GANC: variants seen among roughly 807,000 people sequenced by gnomAD.
GANC encodes the protein glucosidase alpha, neutral C.
In GANC, 117 loss-of-function variants were observed where a neutral mutation model predicts 124.2. That is an observed-to-expected ratio of 0.94 (90% CI 0.81 to 1.10). GANC has a LOEUF of 1.10. Among genes scored for constraint, GANC ranks in the 50% least tolerant of loss-of-function variants. The probability of loss-of-function intolerance (pLI) is 0.00; values close to 1 mark genes in which losing one functional copy is unlikely to be tolerated. For missense variants in GANC, 1,140 were observed against 1,095.0 expected, an observed-to-expected ratio of 1.04 and a Z score of -0.58; for synonymous variants, 377 against 376.8, an observed-to-expected ratio of 1.00 and a Z score of -0.01.
At chr15:42,296,584 G>T (rs1243386133) in intron 5 of GANC, among the ~76,000 whole-genome samples, 1 of 152,010 alleles carries the variant, frequency 6.6e-6, no homozygotes, top group Non-Finnish European at 1.5e-5. Context: ...GTAGAGACAG[G>T]GTTTCACCAT....
At chr15:42,332,744 T>G (rs1350731205) in intron 15 of GANC, among the ~76,000 whole-genome samples, 1 of 151,196 alleles carries the variant, frequency 6.6e-6, no homozygotes, top group Non-Finnish European at 1.5e-5. Flanking sequence ...CCAGGCACAG[T>G]GGCTCAAACC....
Position 42,353,530 on chromosome 15 carries a change from A to C in GANC, c.*1391A>C. 1 of 975,134 alleles carries C rather than the reference A, an allele frequency of 1.0e-6. No individual in the cohort carries two copies. The highest frequency in any genetic ancestry group is 1.2e-6 in the Non-Finnish European group (1 of 820,618). 60.4% of individuals were successfully genotyped at this position (975,134 alleles called of 1,614,324 possible). Reference sequence around the variant, plus strand: ...TTCAGTATGTCTGCGTTCTCCTACTAGATTGTATGTCCCTCAAGAGCATGT... The same window carrying C: ...TTCAGTATGTCTGCGTTCTCCTACTCGATTGTATGTCCCTCAAGAGCATGT... On this transcript the variant is annotated 3_prime_UTR_variant, in exon 24 of 24. Transcript: ENST00000318010.
chr15:42,309,310 CTGTTGGACACAATTT>C (rs2052028328), intron 8 of GANC, among the ~76,000 whole-genome samples: 1 of 151,902 alleles, frequency 6.6e-6, no homozygotes, highest in Non-Finnish European at 1.5e-5. Flanking sequence ...CTGTGGAAGC[CTGTTGGACACAATTT>C]TTTTTTTTTT....
chr15:42,342,246 G>A (rs535944274), intron 18 of GANC, among the ~76,000 whole-genome samples: 2 of 152,264 alleles, frequency 1.3e-5, no homozygotes, highest in East Asian at 3.9e-4. Flanking sequence ...TTACATACGT[G>A]TTGTGCCAAA....
chr15:42,352,239 C>A lies in GANC; in HGVS notation c.*100C>A. 1.3e-6 allele frequency: 2 copies of A among 1,534,574 alleles called. No homozygotes were observed. The highest frequency in any genetic ancestry group is 2.1e-5 in the Admixed American group (1 of 46,566). On this transcript the variant is annotated 3_prime_UTR_variant, in exon 24 of 24. Transcript: ENST00000318010. ...TTTTTGCTGCAATCTGTTTGCCTTC[C>A]CTGAATCAAAATAATCTTTCATTCG...
chr15:42,317,753 G>A (rs2052120970), intron 10 of GANC, among the ~76,000 whole-genome samples: 1 of 152,146 alleles, frequency 6.6e-6, no homozygotes, highest in African/African-American at 2.4e-5. Context: ...CAATTGTGAT[G>A]GGAGGAATGA....
At chr15:42,313,415 T>C (rs1408165214) in intron 10 of GANC, among the ~76,000 whole-genome samples, 1 of 152,218 alleles carries the variant, frequency 6.6e-6, no homozygotes, top group African/African-American at 2.4e-5. Context: ...AAAACTTTTG[T>C]GCATCAAAGA....
At chr15:42,285,977 A>T (rs2051783371) in intron 3 of GANC, among the ~76,000 whole-genome samples, 1 of 151,908 alleles carries the variant, frequency 6.6e-6, no homozygotes. Context: ...GGAACAGAAC[A>T]TACAGATCAG....
chr15:42,274,023 A>G lies in GANC; in HGVS notation c.-459A>G, dbSNP rs574112992. On this transcript the variant is annotated 5_prime_UTR_variant, in exon 1 of 24. The change abolishes the stop of an existing upstream ORF in the 5' untranslated region. Transcript: ENST00000318010. ...ACCCGGCCGGCACTTCCCACCCTTA[A>G]CCGAAAACGGAGACAGAGAGGGTCA... 3 of 238,274 alleles carry G rather than the reference A, an allele frequency of 1.3e-5. No homozygotes were observed. The South Asian group carries it at 1.4e-4, about 11-fold the overall frequency. The allele number at this position is 238,274 out of a possible 1,614,324, so 14.8% of individuals were successfully genotyped here. A position where few individuals can be genotyped will look rare whatever the true frequency, so the allele number is the denominator to read the frequency against.
intron 10 of GANC, among the ~76,000 whole-genome samples, chr15:42,312,828 G>A (rs1028371834): frequency 2.0e-5 from 3 of 151,850 alleles, no homozygotes; most frequent in Non-Finnish European, 2.9e-5. Flanking sequence ...CCAGCTACTC[G>A]GGAGGCTGAG....
intron 15 of GANC, among the ~76,000 whole-genome samples, chr15:42,332,854 A>T (rs1236281228): frequency 7.2e-5 from 1 of 13,848 alleles, no homozygotes; most frequent in Non-Finnish European, 7.8e-4. Context: ...TCTCTACTAA[A>T]AAAAAAAAAA....
rs117296056 is a variant in GANC, at chr15:42,335,968, T to C, written c.1742-2421T>C. Among the ~76,000 whole-genome samples the C allele has an allele frequency of 2.0e-5, 3 of 152,028 alleles. No individual in the cohort carries two copies. The East Asian group carries it at 5.8e-4, about 29-fold the overall frequency. The stretch of plus-strand genomic sequence containing the variant: ...AAACGCTGCTCAAAGAAATCAGAGA[T>C]AACACAAGCAAATAGAAAAACATTC... On this transcript the variant is annotated intron_variant, in intron 15 of 23. Coordinates refer to ENST00000318010, the MANE Select transcript of GANC (RefSeq NM_198141.3).
At position 42,273,444 on chromosome 15, in the gene GANC, G is replaced by C. The variant is rs563845220; in HGVS notation, c.-1038G>C. The C allele has an allele frequency of 2.8e-4, 448 of 1,609,200 alleles. 2 individuals carry two copies. In the Admixed American group the frequency reaches 7.2e-3, roughly 26 times the overall value. On this transcript the variant is annotated 5_prime_UTR_variant, in exon 1 of 24. Coordinates refer to ENST00000318010, the MANE Select transcript of GANC (RefSeq NM_198141.3). ...TACCGAAAGCATTTCACCCTCTTCC[G>C]GTTCGTCCCGCCTTCTTCCGGCTCT...
chr15:42,333,023 A>AAAAAAT (rs1555415200), intron 15 of GANC, among the ~76,000 whole-genome samples: 1 of 140,412 alleles, frequency 7.1e-6, no homozygotes, highest in African/African-American at 2.7e-5. Context: ...TGTCTCAAAA[A>AAAAAAT]ATATATATAT....
rs1489591922 is a variant in GANC at position 42,345,830 on chromosome 15, A to G, written c.2302A>G (p.Thr768Ala). 13 of 1,602,294 alleles carry G rather than the reference A, an allele frequency of 8.1e-6. No homozygotes were observed. The highest frequency in any genetic ancestry group is 9.4e-6 in the Non-Finnish European group (11 of 1,170,008). Residue 768 changes from threonine (T) to alanine (A), a missense_variant and splice_region_variant, in exon 20 of 24, where the codon ACT becomes GCT. By Grantham distance (58) the Thr-to-Ala change is moderately conservative. Coordinates refer to ENST00000318010, the MANE Select transcript of GANC (RefSeq NM_198141.3). Reference sequence around the variant, plus strand: ...TGTAAAGATCCCAGTAGCCTTGGACACTGTAAGTTATTTTCAGACTACTAT... The same window carrying G: ...TGTAAAGATCCCAGTAGCCTTGGACGCTGTAAGTTATTTTCAGACTACTAT... ...CTVKIPVALD[T>A]IPVFQRGGSV...
rs373900522 is a variant in GANC, at chr15:42,311,672, G to A, written c.1057+826G>A. On this transcript the variant is annotated intron_variant, in intron 10 of 23. Transcript: ENST00000318010. Reference sequence around the variant, plus strand: ...GGAGGAATAAAGAGAGGGAGGAGGTGCCACACACTTTTAAACAACCAGATC... The same window carrying A: ...GGAGGAATAAAGAGAGGGAGGAGGTACCACACACTTTTAAACAACCAGATC... Among the ~76,000 whole-genome samples, 12 of 152,170 alleles carry A rather than the reference G, an allele frequency of 7.9e-5. No homozygotes were observed. In the East Asian group the frequency reaches 1.2e-3, roughly 15 times the overall value.
intron 15 of GANC, among the ~76,000 whole-genome samples, chr15:42,332,949 CAGGGGTTG>C (rs1457513220): frequency 1.0e-4 from 15 of 148,782 alleles, no homozygotes; most frequent in African/African-American, 3.7e-4. Flanking sequence ...ACCTGGGAGG[CAGGGGTTG>C]CAGTGAGCAG....
chr15:42,310,920 A>G, intron 10 of GANC, 74 bp downstream of exon 10: 1 of 1,504,186 alleles, frequency 6.6e-7, no homozygotes, highest in Non-Finnish European at 9.2e-7. Context: ...ACGGTAAGTT[A>G]ATATTTGTTG....
At chr15:42,292,650 CTAAT>C (rs2051850828) in intron 4 of GANC, 81 bp from the exon 5 acceptor site, 10 of 1,288,148 alleles carry the variant, frequency 7.8e-6, no homozygotes, top group Non-Finnish European at 7.6e-6. Flanking sequence ...TATTGATTTA[CTAAT>C]TAATTACTTG....
Sources: gnomAD v4.1 joint callset for allele counts (sites outside exome capture counted in the v4.1 genomes callset) on GRCh38, gnomAD v4.1.1 for gene constraint, MANE v1.5 for transcripts, NCBI Gene and HGNC (gene_info 2026-07-23, HGNC 2026-07-21) for gene names.